The following CASKIN1 variants were observed in gnomAD, a reference collection of about 807,000 sequenced individuals.
CASKIN1 encodes caskin-1.
Under a neutral mutation model 117.5 loss-of-function variants are expected in CASKIN1, and 42 were observed. The ratio of observed to expected loss-of-function variants is 0.36; its 90% CI spans 0.28 to 0.46. The LOEUF is 0.46. Ranked by LOEUF, CASKIN1 falls within the 20% of genes least tolerant of loss-of-function variation. The pLI, the probability that CASKIN1 is intolerant of heterozygous loss-of-function variation, is 1.00. For missense variants in CASKIN1, 2,083 were observed against 2,077.3 expected (o/e 1.00, Z -0.05); for synonymous variants, 1,148 against 961.7 (o/e 1.19, Z -3.59).
Position 2,179,510 on chromosome 16 carries a change from A to G in CASKIN1, c.3775+83T>C. 1 of 1,394,816 alleles carries G rather than the reference A, an allele frequency of 7.2e-7. No individual in the cohort carries two copies. The highest frequency in any genetic ancestry group is 1.5e-5 in the South Asian group (1 of 64,556). The allele number at this position is 1,394,816 out of a possible 1,614,324, so 86.4% of individuals were successfully genotyped here. A position where few individuals can be genotyped will look rare whatever the true frequency, so the allele number is the denominator to read the frequency against. ...CCCACCTGGGCTTCCATCAAACCCA[A>G]GAAAAGGAAAACCCCTCAGACCACC... On this transcript the variant is annotated intron_variant, in intron 18 of 19. Transcript: ENST00000343516. This position sits in a 1 kb window ranked among gnomAD's most constrained non-coding sequence, Gnocchi z 5.8.
Position 2,178,582 on chromosome 16 carries a change from G to C in CASKIN1, c.4264C>G (p.Leu1422Val). 6.3e-7 allele frequency: 1 copy of C among 1,597,638 alleles called. No individual in the cohort carries two copies. Among genetic ancestry groups the C allele is most frequent in the Non-Finnish European group, 8.5e-7 (1 of 1,176,352 alleles). Residue 1422 changes from leucine (L) to valine (V), a missense_variant, in exon 20 of 20, where the codon CTG (leucine) becomes GTG (valine). Coordinates refer to ENST00000343516, the MANE Select transcript of CASKIN1 (RefSeq NM_020764.4). ...LDDIGSMFDD[L>V]ADQLDAMLE is the part of the protein sequence containing the mutation. Reference sequence around the variant, plus strand: ...AGCATGGCATCCAGCTGGTCGGCCAGGTCGTCGAACATGCTGCCGATGTCG... The same window carrying C: ...AGCATGGCATCCAGCTGGTCGGCCACGTCGTCGAACATGCTGCCGATGTCG...
chr16:2,178,088 G>A lies in CASKIN1; in HGVS notation c.*462C>T, dbSNP rs972866276. On this transcript the variant is annotated 3_prime_UTR_variant, in exon 20 of 20. Coordinates refer to ENST00000343516, the MANE Select transcript of CASKIN1 (RefSeq NM_020764.4). ...CCTTTTTGTTTCTCTGGGGAAATCCGCCTCAGCTCATTCCCAATAAATTAA... is the reference window on the plus strand; with the variant it reads ...CCTTTTTGTTTCTCTGGGGAAATCCACCTCAGCTCATTCCCAATAAATTAA... 8.1e-6 allele frequency: 4 copies of A among 495,484 alleles called. No individual in the cohort carries two copies. Among genetic ancestry groups the A allele is most frequent in the East Asian group, 4.6e-5 (1 of 21,764 alleles). 30.7% of individuals were successfully genotyped at this position (495,484 alleles called of 1,614,324 possible). A position where few individuals can be genotyped will look rare whatever the true frequency, so the allele number is the denominator to read the frequency against.
chr16:2,177,267 C>G lies in CASKIN1; in HGVS notation c.*1283G>C, dbSNP rs1186079398. On this transcript the variant is annotated 3_prime_UTR_variant, in exon 20 of 20. Transcript: ENST00000343516. ...CTGCTGGAGCCCAGCCTGTGCCGCC[C>G]TCTGAGGAGAGGCCTGGGGGGACAG... The G allele has an allele frequency of 4.2e-6, 1 of 240,118 alleles. No individual in the cohort carries two copies. Among genetic ancestry groups the G allele is most frequent in the Admixed American group, 5.1e-5 (1 of 19,730 alleles). 14.9% of individuals were successfully genotyped at this position (240,118 alleles called of 1,614,324 possible).
chr16:2,196,449 C>G lies in CASKIN1; in HGVS notation c.-17G>C. On this transcript the variant is annotated 5_prime_UTR_variant, in exon 1 of 20. Coordinates refer to ENST00000343516, the MANE Select transcript of CASKIN1 (RefSeq NM_020764.4). The surrounding 1 kb of genome is among the most constrained non-coding windows in gnomAD (Gnocchi z 5.7). ...CTTCCCCATGGCGCGGCCGGGGCCG[C>G]AGCGACGCGGCTGCGCTCGTGAGCT... The G allele has an allele frequency of 8.2e-7, 1 of 1,217,606 alleles. No individual in the cohort carries two copies. The highest frequency in any genetic ancestry group is 1.6e-5 in the African/African-American group (1 of 61,664). 75.4% of individuals were successfully genotyped at this position (1,217,606 alleles called of 1,614,324 possible).
rs371566185 is a variant in CASKIN1, at chr16:2,184,858, C to T, written c.1335G>A (p.Arg445=). 53 of 1,565,642 alleles carry T rather than the reference C, an allele frequency of 3.4e-5. No individual in the cohort carries two copies. Among genetic ancestry groups the T allele is most frequent in the Non-Finnish European group, 4.2e-5 (48 of 1,154,428 alleles). The change falls in exon 14 of 20, where the codon CGG becomes CGA. Residue 445 remains arginine (R), a synonymous_variant. Coordinates refer to ENST00000343516, the MANE Select transcript of CASKIN1 (RefSeq NM_020764.4). ...KPPEGSAGVA[R]SQPPVAHAGQ... is the part of the protein sequence containing the mutation. ...CGGCGTGGGCCACTGGAGGCTGGGA[C>T]CGGGCCACACCTGAGGACGAGAGTG...
In CASKIN1 at chr16:2,189,378, G is replaced by A. The variant is rs753783964; in HGVS notation, c.390+41C>T. 4.3e-5 allele frequency: 70 copies of A among 1,610,254 alleles called. No individual in the cohort carries two copies. In the Middle Eastern group the frequency reaches 8.2e-4, roughly 19 times the overall value. On this transcript the variant is annotated intron_variant, in intron 4 of 19. Coordinates refer to ENST00000343516, the MANE Select transcript of CASKIN1 (RefSeq NM_020764.4). ...TCAGGTCCGCACATCCTCAGGCCGC[G>A]CTGCCCCGCCCCCGCTGCCCCGCCC...
Position 2,179,811 on chromosome 16 carries a change from G to T in CASKIN1, c.3557C>A (p.Ala1186Asp), listed in dbSNP as rs995355275. Residue 1186 changes from alanine (A) to aspartate (D), a missense_variant, in exon 18 of 20, where the codon GCT becomes GAT. Ala to Asp is a moderately radical substitution (Grantham distance 126). This residue lies in a region of CASKIN1 where 1,818 missense variants were observed against 1,688.9 expected (regional missense o/e 1.08). Transcript: ENST00000343516. The surrounding 1 kb of genome is among the most constrained non-coding windows in gnomAD (Gnocchi z 5.8). ...TVRRRPASEQAGPPELPPPPP... is the reference protein window; with the variant it reads ...TVRRRPASEQDGPPELPPPPP... ...CGGTGGAGGCAGCTCCGGAGGCCCA[G>T]CCTGCTCCGAGGCCGGTCGGCGGCG... is the stretch of plus-strand genomic sequence containing the variant. The T allele has an allele frequency of 9.7e-5, 153 of 1,584,282 alleles. No homozygotes were observed. Among genetic ancestry groups the T allele is most frequent in the Non-Finnish European group, 1.3e-4 (152 of 1,168,162 alleles).
chr16:2,185,004 A>T lies in CASKIN1; in HGVS notation c.1271T>A (p.Val424Asp). ...LLATVLSQKSVSESGPGDSPA... is the reference protein window; with the variant it reads ...LLATVLSQKSDSESGPGDSPA... ...GCTGTCCCCCGGGCCGGACTCAGAG[A>T]CGGACTTCTGGGAAAGCACCGTTGC... is the stretch of plus-strand genomic sequence containing the variant. Residue 424 changes from valine (V) to aspartate (D), a missense_variant, in exon 13 of 20, where the codon GTC becomes GAC. Val to Asp is a radical substitution (Grantham distance 152, BLOSUM62 -3). Around this residue, in one of 3 missense-constraint regions of CASKIN1, gnomAD observed 1,818 missense variants for 1,688.9 expected, o/e 1.08. Coordinates refer to ENST00000343516, the MANE Select transcript of CASKIN1 (RefSeq NM_020764.4). 1.2e-6 allele frequency: 2 copies of T among 1,609,470 alleles called. No homozygotes were observed. Among genetic ancestry groups the T allele is most frequent in the Non-Finnish European group, 1.7e-6 (2 of 1,176,876 alleles).
chr16:2,179,761 T>C lies in CASKIN1; in HGVS notation c.3607A>G (p.Thr1203Ala). The C allele has an allele frequency of 1.5e-6, 2 of 1,341,788 alleles. No homozygotes were observed. Among genetic ancestry groups the C allele is most frequent in the Non-Finnish European group, 2.0e-6 (2 of 1,008,844 alleles). 83.1% of individuals were successfully genotyped at this position (1,341,788 alleles called of 1,614,324 possible). ...AATGGGGGTAGGTGCGCCAGGTCGG[T>C]GGGCGGGGGTTCGGCAGGCGGGGGC... Reference protein sequence around the residue: ...PPPPPAEPPPTDLAHLPPLPP... With the variant: ...PPPPPAEPPPADLAHLPPLPP... The change falls in exon 18 of 20, where the codon ACC becomes GCC. Residue 1203 changes from threonine to alanine, a missense_variant. By Grantham distance (58) the Thr-to-Ala change is moderately conservative. Transcript: ENST00000343516. The surrounding 1 kb of genome is among the most constrained non-coding windows in gnomAD (Gnocchi z 5.8).
chr16:2,189,665 C>G, intron 3 of CASKIN1, 101 bp from the exon 4 acceptor site: 36 of 1,212,286 alleles, frequency 3.0e-5, no homozygotes, highest in Non-Finnish European at 4.1e-5. Context: ...AAGTCCAACC[C>G]TGGGGGGTGG....
At position 2,181,227 on chromosome 16, in the gene CASKIN1, G is replaced by T. The variant is rs1261364728; in HGVS notation, c.2141C>A (p.Pro714His). The T allele has an allele frequency of 5.6e-6, 9 of 1,593,218 alleles. No homozygotes were observed. The highest frequency in any genetic ancestry group is 7.6e-6 in the Non-Finnish European group (9 of 1,176,706). ...SSSQELLGDGPPGPSSPMSRS... is the reference protein window; with the variant it reads ...SSSQELLGDGHPGPSSPMSRS... ...AGACATGGGGCTGCTGGGCCCAGGG[G>T]GCCCATCTCCCAGCAGCTCCTGCGA... Residue 714 changes from proline to histidine, a missense_variant, in exon 18 of 20, where the codon CCC (proline) becomes CAC (histidine). Transcript: ENST00000343516.
In CASKIN1 at chr16:2,178,638, G is replaced by T. The variant is rs750449412; in HGVS notation, c.4208C>A (p.Ala1403Glu). Residue 1403 changes from alanine to glutamate, a missense_variant, in exon 20 of 20, where the codon GCG becomes GAG. Around this residue, in one of 3 missense-constraint regions of CASKIN1, gnomAD observed 1,818 missense variants for 1,688.9 expected, o/e 1.08. Coordinates refer to ENST00000343516, the MANE Select transcript of CASKIN1 (RefSeq NM_020764.4). ...QEDAQGPRDS[A>E]AEKSTGSILD... ...GATGCTGCCAGTGCTCTTTTCCGCC[G>T]CCGAGTCGCTGCGGGGCGCGGGGCA... 2 of 1,590,348 alleles carry T rather than the reference G, an allele frequency of 1.3e-6. No homozygotes were observed. Among genetic ancestry groups the T allele is most frequent in the Admixed American group, 1.7e-5 (1 of 59,148 alleles).
At position 2,178,476 on chromosome 16, in the gene CASKIN1, C is replaced by G; in HGVS notation, c.*74G>C. The stretch of plus-strand genomic sequence containing the variant: ...CCCGGCCGCTCGCGCCGCGCCCAGA[C>G]GCGCCCATCCTGAGGTATAGGTCAG... On this transcript the variant is annotated 3_prime_UTR_variant, in exon 20 of 20. Transcript: ENST00000343516. 3.3e-6 allele frequency: 4 copies of G among 1,224,628 alleles called. No homozygotes were observed. The highest frequency in any genetic ancestry group is 3.0e-5 in the South Asian group (2 of 66,698). The allele number at this position is 1,224,628 out of a possible 1,614,324, so 75.9% of individuals were successfully genotyped here.
chr16:2,183,453 G>T (rs904965335), intron 16 of CASKIN1, among the ~76,000 whole-genome samples, 193 bp downstream of exon 16: 1 of 152,188 alleles, frequency 6.6e-6, no homozygotes, highest in East Asian at 1.9e-4. Context: ...CCCCTGGACA[G>T]CATCACCTTG....
intron 6 of CASKIN1, 59 bp downstream of exon 6, chr16:2,188,968 A>T: frequency 1.9e-6 from 3 of 1,557,588 alleles, no homozygotes; most frequent in Non-Finnish European, 2.6e-6. Context: ...CCTGAGCCCC[A>T]GGCTGCTGCT....
At position 2,189,123 on chromosome 16, in the gene CASKIN1, G is replaced by A. The variant is rs747089821; in HGVS notation, c.521C>T (p.Ala174Val). Residue 174 changes from alanine to valine, a missense_variant, in exon 6 of 20, where the codon GCG (alanine) becomes GTG (valine). Around this residue, in one of 3 missense-constraint regions of CASKIN1, gnomAD observed 203 missense variants for 338.7 expected, o/e 0.60. Transcript: ENST00000343516. ...VQLLLSSNMC[A>V]ALLEPRPGDA... is the part of the protein sequence containing the mutation. ...TCCCGGCCGGGGCTCCAGCAGCGCC[G>A]CACACATATTGCTGCTGAGGAGCAG... 4.3e-6 allele frequency: 7 copies of A among 1,613,270 alleles called. No homozygotes were observed. The highest frequency in any genetic ancestry group is 3.3e-5 in the Admixed American group (2 of 59,986).
rs763725891 is a variant in CASKIN1, at chr16:2,181,206, A to G, written c.2162T>C (p.Met721Thr). 4.4e-6 allele frequency: 7 copies of G among 1,578,226 alleles called. No individual in the cohort carries two copies. In the South Asian group the frequency reaches 6.8e-5, roughly 15 times the overall value. Residue 721 changes from methionine to threonine, a missense_variant, in exon 18 of 20, where the codon ATG (methionine) becomes ACG (threonine). Around this residue, in one of 3 missense-constraint regions of CASKIN1, gnomAD observed 1,818 missense variants for 1,688.9 expected, o/e 1.08. Coordinates refer to ENST00000343516, the MANE Select transcript of CASKIN1 (RefSeq NM_020764.4). ...GDGPPGPSSP[M>T]SRSQEYLLDE... ...CAGGAGGTACTCCTGGCTTCGAGAC[A>G]TGGGGCTGCTGGGCCCAGGGGGCCC...
chr16:2,184,911 T>C (rs550969393), intron 13 of CASKIN1, 40 bp downstream of exon 13: 10 of 1,580,294 alleles, frequency 6.3e-6, no homozygotes, highest in Non-Finnish European at 8.6e-6. Context: ...GTCGGGCTGC[T>C]TTCCTCCATC....
chr16:2,182,047 A>G lies in CASKIN1; in HGVS notation c.1630-118T>C, dbSNP rs2093169842. On this transcript the variant is annotated intron_variant, in intron 16 of 19. Coordinates refer to ENST00000343516, the MANE Select transcript of CASKIN1 (RefSeq NM_020764.4). The surrounding 1 kb of genome is among the most constrained non-coding windows in gnomAD (Gnocchi z 4.1). ...GCAGGGCACAGACAGACAGGAGGAC[A>G]AACGGATAGGCCGAGGTATTGGCAC... is the stretch of plus-strand genomic sequence containing the variant. The G allele has an allele frequency of 7.0e-7, 1 of 1,433,212 alleles. No homozygotes were observed. Among genetic ancestry groups the G allele is most frequent in the Non-Finnish European group, 9.6e-7 (1 of 1,043,710 alleles). 88.8% of individuals were successfully genotyped at this position (1,433,212 alleles called of 1,614,324 possible).
Sources: allele counts gnomAD v4.1 joint callset (sites outside exome capture counted in the v4.1 genomes callset), GRCh38; gene constraint gnomAD v4.1.1; regional missense constraint gnomAD v4.1.1; non-coding constraint Gnocchi (gnomAD v3.1); transcripts MANE v1.5; gene names NCBI Gene and HGNC (gene_info 2026-07-23, HGNC 2026-07-21).